PCDH9: variants seen among roughly 807,000 people sequenced by gnomAD.
The protein encoded by PCDH9 is protocadherin 9.
In PCDH9, 24 loss-of-function variants were observed where a neutral mutation model predicts 70.6. That is an observed-to-expected ratio of 0.34 (90% CI 0.25 to 0.48). The LOEUF is 0.48. Ranked by LOEUF, PCDH9 falls within the 20% of genes least tolerant of loss-of-function variation. The pLI is 0.99. For synonymous variants in PCDH9, 562 were observed against 558.5 expected, an observed-to-expected ratio of 1.01 and a Z score of -0.09; for missense variants, 1,281 against 1,503.6, an observed-to-expected ratio of 0.85 and a Z score of 2.45.
intron 2 of PCDH9, chr13:67,202,543 CCAGT>C (rs1338801269): frequency 6.6e-6 from 1 of 152,034 alleles, no homozygotes; most frequent in African/African-American, 2.4e-5. Context: ...TGTCAAGCAC[CCAGT>C]CAATCTCTAT....
intron 4 of PCDH9, among the ~76,000 whole-genome samples, chr13:66,518,966 A>T (rs1369577326): frequency 6.6e-6 from 1 of 152,192 alleles, no homozygotes; most frequent in East Asian, 1.9e-4. Flanking sequence ...AAATAAAGAA[A>T]ATCTAGTCCG....
chr13:66,721,940 T>C (rs900055885), intron 3 of PCDH9, among the ~76,000 whole-genome samples: 1 of 152,094 alleles, frequency 6.6e-6, no homozygotes, highest in African/African-American at 2.4e-5. Flanking sequence ...TTCACTGTGG[T>C]TTCTAATCAT....
At chr13:67,168,799 T>C (rs766616866) in intron 2 of PCDH9, among the ~76,000 whole-genome samples, 16 of 152,208 alleles carry the variant, frequency 1.1e-4, no homozygotes, top group Non-Finnish European at 7.3e-5. Context: ...AATTATCAAT[T>C]ACAATCATTT....
At chr13:66,609,904 G>A (rs1213429949) in intron 4 of PCDH9, among the ~76,000 whole-genome samples, 1 of 151,164 alleles carries the variant, frequency 6.6e-6, no homozygotes, top group African/African-American at 2.4e-5. Flanking sequence ...CATGTTAGAA[G>A]GACTAGGTCT....
rs985387706 is a variant in PCDH9 at position 66,845,245 on chromosome 13, G to A, written c.3138+58259C>T. On this transcript the variant is annotated intron_variant, in intron 3 of 4. Transcript: ENST00000377865. ...GGCAGCTGTAGGCCAGTGCCAAGCT[G>A]CCCTCAGCCCCACTTCAGCCTCCCT... is the stretch of plus-strand genomic sequence containing the variant. Among the ~76,000 whole-genome samples, 3 of 152,196 alleles carry A rather than the reference G, an allele frequency of 2.0e-5. No homozygotes were observed. The South Asian group carries it at 6.2e-4, about 32-fold the overall frequency.
In PCDH9 at chr13:66,699,406, A is replaced by T. The variant is rs141089013; in HGVS notation, c.3139-67995T>A. On this transcript the variant is annotated intron_variant, in intron 3 of 4. Coordinates refer to ENST00000377865, the MANE Select transcript of PCDH9 (RefSeq NM_203487.3). ...ACCTGTGAATGCAATCTTATGTAGA[A>T]AAAAGCATCCTTGCATATGTAACTG... 2.1e-3 allele frequency among the ~76,000 whole-genome samples: 321 copies of T among 152,340 alleles called. 1 individual carries two copies. Among genetic ancestry groups the T allele is most frequent in the African/African-American group, 7.6e-3 (315 of 41,590 alleles).
chr13:67,228,513 C>A lies in PCDH9; in HGVS notation c.-73G>T, dbSNP rs1030027407. The A allele has an allele frequency of 1.8e-5, 23 of 1,308,984 alleles. No homozygotes were observed. Among genetic ancestry groups the A allele is most frequent in the Non-Finnish European group, 2.1e-6 (2 of 956,880 alleles). The allele number at this position is 1,308,984 out of a possible 1,614,324, so 81.1% of individuals were successfully genotyped here. A position where few individuals can be genotyped will look rare whatever the true frequency, so the allele number is the denominator to read the frequency against. ...CCACTGAGGAATGATGCACAAATTG[C>A]AAGAGGAAGCGTGCATGGACTGGAG... On this transcript the variant is annotated 5_prime_UTR_variant, in exon 2 of 5. Coordinates refer to ENST00000377865, the MANE Select transcript of PCDH9 (RefSeq NM_203487.3).
At chr13:67,147,673 G>A (rs2087555758) in intron 2 of PCDH9, among the ~76,000 whole-genome samples, 1 of 152,050 alleles carries the variant, frequency 6.6e-6, no homozygotes, top group African/African-American at 2.4e-5. Flanking sequence ...GGGAATTTGG[G>A]GACTGTCTTA....
At chr13:66,934,846 G>T (rs1270155608) in intron 2 of PCDH9, among the ~76,000 whole-genome samples, 10 of 140,948 alleles carry the variant, frequency 7.1e-5, no homozygotes, top group African/African-American at 1.8e-4. Flanking sequence ...TCAGCCTCCC[G>T]AGTAGCTGGG....
At chr13:66,511,264 A>T (rs1959456068) in intron 4 of PCDH9, among the ~76,000 whole-genome samples, 1 of 152,224 alleles carries the variant, frequency 6.6e-6, no homozygotes, top group Non-Finnish European at 1.5e-5. Context: ...AATAAAATTC[A>T]AAATAAATTT....
In PCDH9 at chr13:66,857,409, C is replaced by A. The variant is rs1055154807; in HGVS notation, c.3138+46095G>T. Among the ~76,000 whole-genome samples, 11 of 151,968 alleles carry A rather than the reference C, an allele frequency of 7.2e-5. No individual in the cohort carries two copies. In the South Asian group the frequency reaches 1.7e-3, roughly 23 times the overall value. On this transcript the variant is annotated intron_variant, in intron 3 of 4. Transcript: ENST00000377865. ...ATTTTGTTTTCATCTTATTGATTAG[C>A]AATAAGTGTGCAAAGGAGTGAGAGT...
intron 4 of PCDH9, among the ~76,000 whole-genome samples, chr13:66,388,747 C>A (rs990355548): frequency 1.3e-5 from 2 of 151,978 alleles, no homozygotes; most frequent in East Asian, 1.9e-4. Context: ...GTACTTATTT[C>A]AAAATTCTGT....
At chr13:67,064,891 A>ATAG (rs1491329996) in intron 2 of PCDH9, among the ~76,000 whole-genome samples, 177 of 148,966 alleles carry the variant, frequency 1.2e-3, no homozygotes, top group African/African-American at 4.1e-3. Flanking sequence ...CCTGTGTGGA[A>ATAG]ATAGATAGAT....
chr13:66,855,379 G>C (rs2081378631), intron 3 of PCDH9, among the ~76,000 whole-genome samples: 1 of 152,024 alleles, frequency 6.6e-6, no homozygotes, highest in African/African-American at 2.4e-5. Context: ...TTGTAATAAT[G>C]TCTTGATTGA....
chr13:66,950,486 T>C (rs761537607), intron 2 of PCDH9, among the ~76,000 whole-genome samples: 20 of 151,888 alleles, frequency 1.3e-4, no homozygotes, highest in Non-Finnish European at 2.4e-4. Context: ...AAAAGATATA[T>C]GTGTATGATT....
chr13:66,897,912 A>T (rs911538725), intron 3 of PCDH9, among the ~76,000 whole-genome samples: 10 of 152,126 alleles, frequency 6.6e-5, no homozygotes, highest in Non-Finnish European at 1.5e-4. Flanking sequence ...TTTCCAGGTC[A>T]ATCTTACCTA....
intron 2 of PCDH9, among the ~76,000 whole-genome samples, chr13:67,033,421 C>G (rs2084946460): frequency 6.6e-6 from 1 of 152,140 alleles, no homozygotes; most frequent in South Asian, 2.1e-4. Flanking sequence ...TACAAAAAGA[C>G]AAAAGGGAAG....
chr13:66,320,607 A>G (rs570830801), intron 4 of PCDH9, among the ~76,000 whole-genome samples: 1 of 152,110 alleles, frequency 6.6e-6, no homozygotes, highest in East Asian at 1.9e-4. Context: ...TCAGCATGAA[A>G]TGTAAATGGA....
intron 3 of PCDH9, among the ~76,000 whole-genome samples, chr13:66,750,531 T>C (rs939057388): frequency 6.6e-6 from 1 of 151,784 alleles, no homozygotes; most frequent in African/African-American, 2.4e-5. Flanking sequence ...TTTGTGACAA[T>C]GCAAAGCCAA....
Sources: allele counts gnomAD v4.1 joint callset (sites outside exome capture counted in the v4.1 genomes callset), GRCh38; gene constraint gnomAD v4.1.1; transcripts MANE v1.5; gene names NCBI Gene and HGNC (gene_info 2026-07-23, HGNC 2026-07-21).